Variants in SCAND3 observed in about 807,000 individuals in gnomAD.
SCAND3 encodes SCAN domain-containing protein 3.
chr6:28,573,347 T>C, the SCAND3 span: 7 of 1,614,166 alleles, frequency 4.3e-6, no homozygotes, highest in Non-Finnish European at 5.9e-6. Context: ...ACTTCTTTGA[T>C]GCAGTCTTTC....
the SCAND3 span, among the ~76,000 whole-genome samples, chr6:28,609,816 A>G: frequency 6.6e-6 from 1 of 152,230 alleles, no homozygotes; most frequent in Non-Finnish European, 1.5e-5. Context: ...GATAAAAACC[A>G]TTTGTTTAGA....
chr6:28,614,405 G>C, the SCAND3 span, among the ~76,000 whole-genome samples: 1 of 152,084 alleles, frequency 6.6e-6, no homozygotes, highest in African/African-American at 2.4e-5. Flanking sequence ...ATCTAGATAG[G>C]CTAGATGTTT....
the SCAND3 span, among the ~76,000 whole-genome samples, chr6:28,612,933 G>T: frequency 6.6e-6 from 1 of 152,154 alleles, no homozygotes. Flanking sequence ...TCAGGAGACA[G>T]TCTTTAAATG....
chr6:28,608,163 A>C, the SCAND3 span, among the ~76,000 whole-genome samples: 1 of 152,200 alleles, frequency 6.6e-6, no homozygotes, highest in Non-Finnish European at 1.5e-5. Context: ...TAAGTTAAAG[A>C]TATGCTATTT....
the SCAND3 span, chr6:28,575,362 C>T: frequency 1.2e-6 from 2 of 1,614,044 alleles, no homozygotes; most frequent in East Asian, 4.5e-5. This position sits in a 1 kb window ranked among gnomAD's most constrained non-coding sequence, Gnocchi z 4.2. Flanking sequence ...ACTGAGTTCA[C>T]TGACAACCTG....
the SCAND3 span, among the ~76,000 whole-genome samples, chr6:28,583,965 G>C: frequency 6.6e-6 from 1 of 152,142 alleles, no homozygotes; most frequent in Non-Finnish European, 1.5e-5. Context: ...GTTGGTTTTG[G>C]GGAGATCTTC....
At chr6:28,607,210 C>T in the SCAND3 span, among the ~76,000 whole-genome samples, 1 of 152,204 alleles carries the variant, frequency 6.6e-6, no homozygotes, top group African/African-American at 2.4e-5. Flanking sequence ...GTCCCGGGTT[C>T]AATCCCCGGC....
At chr6:28,579,175 G>A in the SCAND3 span, 265,198 of 1,123,852 alleles carry the variant, frequency 0.24, 34,127 homozygotes, top group African/African-American at 0.44. This position sits in a 1 kb window ranked among gnomAD's most constrained non-coding sequence, Gnocchi z 4.5. Flanking sequence ...AATACATTCA[G>A]TAGAAGCTGA....
At chr6:28,595,958 C>T in the SCAND3 span, among the ~76,000 whole-genome samples, 2 of 152,164 alleles carry the variant, frequency 1.3e-5, no homozygotes, top group African/African-American at 2.4e-5. Flanking sequence ...TCTGATGTAA[C>T]AGTCCAGAGG....
the SCAND3 span, among the ~76,000 whole-genome samples, chr6:28,614,197 C>T: frequency 6.6e-6 from 1 of 152,138 alleles, no homozygotes; most frequent in South Asian, 2.1e-4. Context: ...CTCCTGACCT[C>T]AGGTGATCCA....
the SCAND3 span, among the ~76,000 whole-genome samples, chr6:28,603,185 C>T: frequency 1.3e-5 from 2 of 151,766 alleles, no homozygotes; most frequent in Non-Finnish European, 2.9e-5. Context: ...AGGGTGGTCT[C>T]CTGACCTCGT....
chr6:28,577,862 C>T, the SCAND3 span, among the ~76,000 whole-genome samples: 1 of 152,190 alleles, frequency 6.6e-6, no homozygotes, highest in African/African-American at 2.4e-5. Flanking sequence ...TACCTATGAC[C>T]TGTAAGCCCC....
At chr6:28,598,378 T>G in the SCAND3 span, among the ~76,000 whole-genome samples, 1 of 152,188 alleles carries the variant, frequency 6.6e-6, no homozygotes, top group Admixed American at 6.5e-5. Context: ...GTTTTTGTTT[T>G]GTTTTGTATT....
At chr6:28,600,164 G>C in the SCAND3 span, among the ~76,000 whole-genome samples, 2 of 151,578 alleles carry the variant, frequency 1.3e-5, no homozygotes, top group Non-Finnish European at 2.9e-5. Context: ...ACTTCTCTGT[G>C]AAATACACCG....
the SCAND3 span, among the ~76,000 whole-genome samples, chr6:28,614,230 C>T: frequency 3.3e-5 from 5 of 152,146 alleles, no homozygotes; most frequent in Non-Finnish European, 5.9e-5. Flanking sequence ...TCCCAAAGTG[C>T]TGGGATTACA....
the SCAND3 span, chr6:28,589,463 C>T: frequency 6.0e-5 from 9 of 149,724 alleles, no homozygotes; most frequent in Non-Finnish European, 1.2e-4. Context: ...CAAAGGTGAA[C>T]GTTTTACAGT....
the SCAND3 span, among the ~76,000 whole-genome samples, chr6:28,605,370 C>G: frequency 6.6e-6 from 1 of 152,046 alleles, no homozygotes; most frequent in Non-Finnish European, 1.5e-5. Flanking sequence ...AGTGTACTAT[C>G]CAGAGACTTT....
At chr6:28,609,016 G>C in the SCAND3 span, among the ~76,000 whole-genome samples, 1 of 152,070 alleles carries the variant, frequency 6.6e-6, no homozygotes. Context: ...GGGTTGGGGG[G>C]AGGGCGCTGT....
the SCAND3 span, chr6:28,586,705 A>G: frequency 1.9e-6 from 3 of 1,613,272 alleles, no homozygotes; most frequent in South Asian, 1.1e-5. The surrounding 1 kb of genome is among the most constrained non-coding windows in gnomAD (Gnocchi z 4.4). Flanking sequence ...AAGACCCTAG[A>G]GACTGCTTCC....
Sources: gnomAD v4.1 joint callset for allele counts (sites outside exome capture counted in the v4.1 genomes callset) on GRCh38, gnomAD v4.1.1 for gene constraint, Gnocchi (gnomAD v3.1) non-coding constraint, MANE v1.5 for transcripts, NCBI Gene and HGNC (gene_info 2026-07-23, HGNC 2026-07-21) for gene names.